The following EXT1 variants were observed in gnomAD, a reference collection of about 807,000 sequenced individuals.
The protein encoded by EXT1 is exostosin glycosyltransferase 1.
A neutral mutation model predicts 82.5 loss-of-function variants in EXT1; 20 were observed. That is an observed-to-expected ratio of 0.24 (90% CI 0.17 to 0.35). EXT1 has a LOEUF of 0.35. Ranked by LOEUF, EXT1 falls within the 10% of genes least tolerant of loss-of-function variation. The pLI, the probability that EXT1 is intolerant of heterozygous loss-of-function variation, is 1.00. For missense variants in EXT1, 757 were observed against 936.5 expected (o/e 0.81, Z 2.50); for synonymous variants, 348 against 350.8 (o/e 0.99, Z 0.09).
chr8:118,083,507 A>T (rs1000617457), intron 1 of EXT1, among the ~76,000 whole-genome samples: 3 of 152,252 alleles, frequency 2.0e-5, no homozygotes, highest in African/African-American at 7.2e-5. Context: ...GAATTCAAGA[A>T]CTAAACCCAG....
Position 117,812,925 on chromosome 8 carries a change from T to C in EXT1, c.1669A>G (p.Ile557Val). ...TCAAGGCTGAGCACGGCGTCTGTGATGATGTTGTCGTAGGGCAGAAAACGG... is the reference window on the plus strand; with the variant it reads ...TCAAGGCTGAGCACGGCGTCTGTGACGATGTTGTCGTAGGGCAGAAAACGG... ...SSRFLPYDNIITDAVLSLDED... is the reference protein window; with the variant it reads ...SSRFLPYDNIVTDAVLSLDED... The change falls in exon 8 of 11, where the codon ATC becomes GTC. Residue 557 changes from isoleucine (I) to valine (V), a missense_variant. Physicochemically the swap from Ile to Val is conservative, Grantham distance 29 (BLOSUM62 3). Coordinates refer to ENST00000378204, the MANE Select transcript of EXT1 (RefSeq NM_000127.3). 1 of 1,614,026 alleles carries C rather than the reference T, an allele frequency of 6.2e-7. No individual in the cohort carries two copies. The highest frequency in any genetic ancestry group is 2.2e-5 in the East Asian group (1 of 44,866).
chr8:117,987,725 T>C (rs867333306), intron 1 of EXT1, among the ~76,000 whole-genome samples: 11 of 152,194 alleles, frequency 7.2e-5, no homozygotes, highest in Admixed American at 6.5e-4. Flanking sequence ...GACTCATTCA[T>C]GTAATATCAC....
intron 1 of EXT1, among the ~76,000 whole-genome samples, chr8:117,992,544 C>A (rs1218875727): frequency 2.0e-5 from 3 of 151,902 alleles, no homozygotes; most frequent in Non-Finnish European, 2.9e-5. Flanking sequence ...CCTCAGAGAC[C>A]CATGAATCTT....
chr8:117,967,696 C>T (rs917183703), intron 1 of EXT1, among the ~76,000 whole-genome samples: 2 of 152,188 alleles, frequency 1.3e-5, no homozygotes, highest in African/African-American at 4.8e-5. Context: ...GCTATTATTA[C>T]GGTTGTTGCT....
intron 5 of EXT1, among the ~76,000 whole-genome samples, chr8:117,820,573 C>T (rs1411684701): frequency 9.0e-6 from 1 of 111,614 alleles, no homozygotes; most frequent in African/African-American, 2.9e-5. Flanking sequence ...CCTGTAGTCC[C>T]AGTTATCGGG....
chr8:118,019,243 G>T (rs953932625), intron 1 of EXT1, among the ~76,000 whole-genome samples: 3 of 141,738 alleles, frequency 2.1e-5, no homozygotes, highest in Non-Finnish European at 4.5e-5. Context: ...ATAGCAGTAC[G>T]ATTGAAAGAA....
chr8:118,022,712 T>C (rs901200173), intron 1 of EXT1, among the ~76,000 whole-genome samples: 1 of 152,122 alleles, frequency 6.6e-6, no homozygotes, highest in Admixed American at 6.5e-5. Context: ...CAACAATGTC[T>C]ATAACTGTTG....
chr8:117,994,276 G>T (rs999700990), intron 1 of EXT1, among the ~76,000 whole-genome samples: 2 of 152,096 alleles, frequency 1.3e-5, no homozygotes, highest in Non-Finnish European at 2.9e-5. Context: ...CACATCTCAG[G>T]TTTAAAAGTA....
intron 1 of EXT1, among the ~76,000 whole-genome samples, chr8:117,997,277 T>TA (rs1815565721): frequency 6.8e-6 from 1 of 147,400 alleles, no homozygotes; most frequent in African/African-American, 2.5e-5. Context: ...ACTTTATATA[T>TA]ATATACTTTA....
chr8:118,099,470 G>C (rs1817677837), intron 1 of EXT1, among the ~76,000 whole-genome samples: 1 of 152,192 alleles, frequency 6.6e-6, no homozygotes, highest in Non-Finnish European at 1.5e-5. Flanking sequence ...TTCTAGGTTA[G>C]AAATCCAAGT....
intron 1 of EXT1, among the ~76,000 whole-genome samples, chr8:118,046,774 G>A (rs551317197): frequency 2.2e-4 from 33 of 152,170 alleles, no homozygotes; most frequent in African/African-American, 7.7e-4. Context: ...ACTAAATGAC[G>A]AACAAAGGGG....
intron 8 of EXT1, among the ~76,000 whole-genome samples, chr8:117,809,242 T>TATATATATATATATAAA (rs796605483): frequency 9.2e-4 from 130 of 141,210 alleles, no homozygotes; most frequent in Non-Finnish European, 1.7e-3. Flanking sequence ...TATATATATA[T>TATATATATATATATAAA]ATTATGTTCT....
At chr8:117,976,947 A>T (rs1815076757) in intron 1 of EXT1, among the ~76,000 whole-genome samples, 1 of 152,114 alleles carries the variant, frequency 6.6e-6, no homozygotes, top group Admixed American at 6.6e-5. Context: ...CTGAAAGGAG[A>T]GGGGCCCTGA....
intron 1 of EXT1, among the ~76,000 whole-genome samples, chr8:118,093,268 CAAAAAAAAAAA>C (rs10594150): frequency 1.5e-5 from 1 of 66,802 alleles, no homozygotes; most frequent in African/African-American, 6.3e-5. Context: ...AAATTCCCAG[CAAAAAAAAAAA>C]AAAAAAAAAA....
chr8:118,015,213 C>T (rs1586344240), intron 1 of EXT1, among the ~76,000 whole-genome samples: 2 of 152,178 alleles, frequency 1.3e-5, no homozygotes, highest in Admixed American at 6.5e-5. Context: ...GCCTTGCAAG[C>T]GCTGACGCCA....
At position 118,062,055 on chromosome 8, in the gene EXT1, T is replaced by TA. The variant is rs142145342; in HGVS notation, c.962+48029dup. On this transcript the variant is annotated intron_variant, in intron 1 of 10. Coordinates refer to ENST00000378204, the MANE Select transcript of EXT1 (RefSeq NM_000127.3). ...ATGGCTTGCAATGGTACAGCTTCAT[T>TA]AAAAAAAAACAAGAGACACCAACTG... Among the ~76,000 whole-genome samples the TA allele has an allele frequency of 2.0e-3, 298 of 150,652 alleles. 1 individual carries two copies. The highest frequency in any genetic ancestry group is 3.6e-3 in the Non-Finnish European group (241 of 67,522).
chr8:117,927,278 G>A (rs3101574), intron 1 of EXT1, among the ~76,000 whole-genome samples: 114,887 of 152,104 alleles, frequency 0.76, 44,188 homozygotes, highest in African/African-American at 0.88. Flanking sequence ...AAAAAAGGCA[G>A]AAACTCACTG....
chr8:117,893,677 A>G (rs1813286882), intron 1 of EXT1, among the ~76,000 whole-genome samples: 1 of 152,138 alleles, frequency 6.6e-6, no homozygotes, highest in South Asian at 2.1e-4. Context: ...GCCTGGACTA[A>G]CCACGCTTTG....
At chr8:117,814,380 G>T (rs1811757901) in intron 7 of EXT1, among the ~76,000 whole-genome samples, 1 of 152,040 alleles carries the variant, frequency 6.6e-6, no homozygotes, top group Non-Finnish European at 1.5e-5. Context: ...CTAACCATAA[G>T]AATGCTGACA....
Sources: allele counts gnomAD v4.1 joint callset (sites outside exome capture counted in the v4.1 genomes callset), GRCh38; gene constraint gnomAD v4.1.1; transcripts MANE v1.5; gene names NCBI Gene and HGNC (gene_info 2026-07-23, HGNC 2026-07-21).